RTN3: variants seen among roughly 807,000 people sequenced by gnomAD.
The protein encoded by RTN3 is reticulon-3.
A neutral mutation model predicts 77.8 loss-of-function variants in RTN3; 49 were observed. The observed-to-expected ratio is 0.63, with a 90% CI of 0.50 to 0.80. The LOEUF is 0.80. Ranked by LOEUF, RTN3 falls within the 30% of genes least tolerant of loss-of-function variation. The probability of loss-of-function intolerance (pLI) is 0.00; values close to 1 mark genes in which losing one functional copy is unlikely to be tolerated. For missense variants in RTN3, 1,236 were observed against 1,211.9 expected (o/e 1.02, Z -0.29); for synonymous variants, 464 against 446.9 (o/e 1.04, Z -0.48).
At chr11:63,737,912 T>C (rs757283583) in intron 3 of RTN3, among the ~76,000 whole-genome samples, 1 of 152,248 alleles carries the variant, frequency 6.6e-6, no homozygotes, top group Non-Finnish European at 1.5e-5. Flanking sequence ...CTTTGTATTC[T>C]GTCAGTGATC....
At chr11:63,730,076 C>T (rs2012585211) in intron 3 of RTN3, among the ~76,000 whole-genome samples, 1 of 152,132 alleles carries the variant, frequency 6.6e-6, no homozygotes, top group African/African-American at 2.4e-5. Context: ...AAGGGATTCT[C>T]CTCCCTCAGC....
At chr11:63,702,743 T>C (rs1409713415) in intron 1 of RTN3, among the ~76,000 whole-genome samples, 1 of 151,880 alleles carries the variant, frequency 6.6e-6, no homozygotes, top group Admixed American at 6.6e-5. Flanking sequence ...TGGAGTGCAA[T>C]GGCGTGATCT....
chr11:63,727,990 A>G (rs1334107373), intron 3 of RTN3, among the ~76,000 whole-genome samples: 1 of 152,180 alleles, frequency 6.6e-6, no homozygotes, highest in African/African-American at 2.4e-5. Context: ...TCCCCAAGAT[A>G]ACCATCAGGG....
At chr11:63,732,352 AT>A (rs2012754068) in intron 3 of RTN3, among the ~76,000 whole-genome samples, 2 of 152,032 alleles carry the variant, frequency 1.3e-5, no homozygotes, top group South Asian at 4.1e-4. Flanking sequence ...ATTTTTAAAA[AT>A]TTTTTGTAGA....
At chr11:63,749,341 C>T (rs889547405) in intron 3 of RTN3, among the ~76,000 whole-genome samples, 3 of 152,206 alleles carry the variant, frequency 2.0e-5, no homozygotes, top group East Asian at 3.9e-4. Context: ...CATAATCCTT[C>T]CTGAATTCTT....
Position 63,719,499 on chromosome 11 carries a change from C to T in RTN3, c.997C>T (p.His333Tyr), listed in dbSNP as rs752757255. The change falls in exon 3 of 9, where the codon CAT (histidine) becomes TAT (tyrosine). Residue 333 changes from histidine (H) to tyrosine (Y), a missense_variant. Around this residue, in one of 3 missense-constraint regions of RTN3, gnomAD observed 1,056 missense variants for 990.4 expected, o/e 1.07. Coordinates refer to ENST00000377819, the MANE Select transcript of RTN3 (RefSeq NM_001265589.2). Reference protein sequence around the residue: ...EEVSRCVNDMHNFTNEILTWD... With the variant: ...EEVSRCVNDMYNFTNEILTWD... ...GGTGTCCAGATGCGTGAATGATATGCATAACTTTACTAACGAAATACTGAC... is the reference window on the plus strand; with the variant it reads ...GGTGTCCAGATGCGTGAATGATATGTATAACTTTACTAACGAAATACTGAC... 6.2e-7 allele frequency: 1 copy of T among 1,614,156 alleles called. No individual in the cohort carries two copies. Among genetic ancestry groups the T allele is most frequent in the South Asian group, 1.1e-5 (1 of 91,084 alleles).
chr11:63,757,048 A>C (rs2014412106), intron 8 of RTN3, among the ~76,000 whole-genome samples: 2 of 152,230 alleles, frequency 1.3e-5, no homozygotes, highest in South Asian at 4.1e-4. Flanking sequence ...GTCTCAAAAA[A>C]AAACCAAAAA....
At chr11:63,682,533 C>A (rs1941114893) in intron 1 of RTN3, among the ~76,000 whole-genome samples, 1 of 151,826 alleles carries the variant, frequency 6.6e-6, no homozygotes, top group Admixed American at 6.6e-5. Flanking sequence ...GACACGCAAT[C>A]AGTCGCTTAT....
chr11:63,685,815 C>T (rs891464007), intron 1 of RTN3, among the ~76,000 whole-genome samples: 6 of 152,142 alleles, frequency 3.9e-5, no homozygotes, highest in Non-Finnish European at 8.8e-5. Flanking sequence ...TGGTGTCCTA[C>T]AGAAAACAAT....
intron 2 of RTN3, among the ~76,000 whole-genome samples, 160 bp from the exon 3 acceptor site, chr11:63,718,542 T>G (rs1485107648): frequency 6.6e-6 from 1 of 152,200 alleles, no homozygotes; most frequent in African/African-American, 2.4e-5. Flanking sequence ...TAGGATAACT[T>G]GATCGTTTTG....
At chr11:63,753,221 A>G (rs1334111738) in intron 6 of RTN3, 83 bp downstream of exon 6, 3 of 1,339,846 alleles carry the variant, frequency 2.2e-6, no homozygotes, top group Non-Finnish European at 3.2e-6. Context: ...GCATGGCTCT[A>G]CTCATTCTTC....
chr11:63,687,683 A>G (rs1941446379), intron 1 of RTN3, among the ~76,000 whole-genome samples: 1 of 152,162 alleles, frequency 6.6e-6, no homozygotes, highest in Non-Finnish European at 1.5e-5. Context: ...CTGTACCATT[A>G]ATGTGAAGAA....
intron 4 of RTN3, among the ~76,000 whole-genome samples, chr11:63,751,887 G>A (rs1404295025): frequency 1.3e-5 from 2 of 152,182 alleles, no homozygotes; most frequent in East Asian, 3.9e-4. Context: ...AGCTATTCAG[G>A]AGGCTGAGGC....
chr11:63,755,368 A>G (rs2014320635), intron 7 of RTN3, among the ~76,000 whole-genome samples: 1 of 152,134 alleles, frequency 6.6e-6, no homozygotes, highest in Admixed American at 6.6e-5. Flanking sequence ...TTTTAAGGCT[A>G]GGTGTGGTGG....
intron 1 of RTN3, among the ~76,000 whole-genome samples, chr11:63,699,146 C>T (rs1328570099): frequency 2.6e-5 from 4 of 151,942 alleles, no homozygotes; most frequent in African/African-American, 4.8e-5. Context: ...ACTAAAAATA[C>T]AAAAATTAGC....
chr11:63,713,990 C>T (rs1183164100), intron 2 of RTN3: 1 of 518,504 alleles, frequency 1.9e-6, no homozygotes, highest in South Asian at 1.4e-5. Context: ...TGGGCAACAG[C>T]AGTGACTACA....
intron 3 of RTN3, among the ~76,000 whole-genome samples, chr11:63,728,261 G>A (rs2012421111): frequency 6.6e-6 from 1 of 152,142 alleles, no homozygotes; most frequent in South Asian, 2.1e-4. Flanking sequence ...TGTCTAGCAC[G>A]GCATGCAGTG....
intron 7 of RTN3, 69 bp from the exon 8 acceptor site, chr11:63,756,041 AAG>A (rs1009030094): frequency 5.8e-6 from 6 of 1,038,018 alleles, no homozygotes; most frequent in Non-Finnish European, 9.1e-6. Flanking sequence ...AACTAGACAA[AAG>A]AGCCGTGCCT....
chr11:63,694,585 A>G (rs1297322850), intron 1 of RTN3, among the ~76,000 whole-genome samples: 1 of 151,780 alleles, frequency 6.6e-6, no homozygotes, highest in Non-Finnish European at 1.5e-5. Context: ...CCGTCCTCCC[A>G]CCTCAGCCTC....
Sources: gnomAD v4.1 joint callset for allele counts (sites outside exome capture counted in the v4.1 genomes callset) on GRCh38, gnomAD v4.1.1 for gene constraint, gnomAD v4.1.1 regional missense constraint, MANE v1.5 for transcripts, NCBI Gene and HGNC (gene_info 2026-07-23, HGNC 2026-07-21) for gene names.